The following TAF8 variants were observed in gnomAD, a reference collection of about 807,000 sequenced individuals.
TAF8 encodes TATA-box binding protein associated factor 8, also known as transcription initiation factor TFIID subunit 8.
In TAF8, 47 loss-of-function variants were observed where a neutral mutation model predicts 36.5. The observed-to-expected ratio is 1.29, with a 90% CI of 1.02 to 1.64. The LOEUF (loss-of-function observed/expected upper bound fraction) is 1.64. Among genes scored for constraint, TAF8 ranks in the 40% most tolerant of loss-of-function variants. The pLI is 0.00. For missense variants in TAF8, 420 were observed against 407.6 expected (o/e 1.03, Z -0.26); for synonymous variants, 175 against 159.5 (o/e 1.10, Z -0.73).
Position 42,083,188 on chromosome 6 carries a change from A to C in TAF8, c.*5643A>C, listed in dbSNP as rs535217347. The stretch of plus-strand genomic sequence containing the variant: ...TTCTTCCAGAAGTATTCTGTGCATC[A>C]AATGCAAATACTTATATTTTCTACT... On this transcript the variant is annotated 3_prime_UTR_variant, in exon 9 of 9. Coordinates refer to ENST00000372977, the MANE Select transcript of TAF8 (RefSeq NM_138572.3). The C allele has an allele frequency of 6.2e-4, 94 of 152,342 alleles. No homozygotes were observed. The highest frequency in any genetic ancestry group is 2.2e-3 in the African/African-American group (93 of 41,578). 9.4% of individuals were successfully genotyped at this position (152,342 alleles called of 1,614,324 possible).
At chr6:42,085,868 C>A (rs1235681397), downstream of TAF8, among the ~76,000 whole-genome samples, 2 of 152,124 alleles carry the variant, frequency 1.3e-5, no homozygotes, top group East Asian at 3.8e-4. Context: ...GCCTGTAATC[C>A]CAGCTACTCG....
At position 42,068,459 on chromosome 6, in the gene TAF8, C is replaced by A; in HGVS notation, c.638-6C>A. 2 of 1,613,850 alleles carry A rather than the reference C, an allele frequency of 1.2e-6. No homozygotes were observed. Among genetic ancestry groups the A allele is most frequent in the Admixed American group, 1.7e-5 (1 of 60,016 alleles). On this transcript the variant is annotated splice_region_variant and splice_polypyrimidine_tract_variant and intron_variant, in intron 6 of 8. Transcript: ENST00000372977. Reference sequence around the variant, plus strand: ...GTGGACTCATGCCTCTCTTCCAATTCGCCAGTGATTGCTGCCAGACCTTTC... The same window carrying A: ...GTGGACTCATGCCTCTCTTCCAATTAGCCAGTGATTGCTGCCAGACCTTTC...
chr6:42,063,615 T>C (rs71558776), intron 5 of TAF8: 7 of 152,126 alleles, frequency 4.6e-5, no homozygotes, highest in Admixed American at 4.6e-4. Flanking sequence ...TTCTTGTTTG[T>C]TTTGTTGTTG....
At chr6:42,070,374 C>T (rs1047443186) in intron 7 of TAF8, among the ~76,000 whole-genome samples, 3 of 152,050 alleles carry the variant, frequency 2.0e-5, no homozygotes, top group Non-Finnish European at 2.9e-5. Context: ...CGCCTGTAGT[C>T]CCAGCTATTT....
chr6:42,076,714 C>G (rs777442886), intron 7 of TAF8, among the ~76,000 whole-genome samples: 1 of 152,198 alleles, frequency 6.6e-6, no homozygotes, highest in Non-Finnish European at 1.5e-5. Context: ...GATCCTGTAT[C>G]TCCCAGTCAT....
intron 7 of TAF8, among the ~76,000 whole-genome samples, chr6:42,076,257 C>G (rs541427881): frequency 2.0e-5 from 3 of 150,990 alleles, no homozygotes; most frequent in Non-Finnish European, 4.4e-5. Flanking sequence ...TCGAGACTAG[C>G]CTGGCCAACT....
In TAF8 at chr6:42,080,892, CTT is replaced by C. The variant is rs1401191571; in HGVS notation, c.*3349_*3350del. ...TCTCAATAAAAATTCATAATAAAAA[CTT>C]TGTAAATAAATAGAACTGTAAGCTT... On this transcript the variant is annotated 3_prime_UTR_variant, in exon 9 of 9. Transcript: ENST00000372977. 2 of 981,264 alleles carry C rather than the reference CTT, an allele frequency of 2.0e-6. No individual in the cohort carries two copies. The highest frequency in any genetic ancestry group is 3.5e-5 in the African/African-American group (2 of 57,074). The allele number at this position is 981,264 out of a possible 1,614,324, so 60.8% of individuals were successfully genotyped here.
chr6:42,076,932 C>T (rs747227614), intron 7 of TAF8, among the ~76,000 whole-genome samples, 168 bp from the exon 8 acceptor site: 2 of 152,152 alleles, frequency 1.3e-5, no homozygotes, highest in Admixed American at 6.5e-5. Context: ...CATAGCCAGC[C>T]CCTGCCTGGT....
At chr6:42,076,868 C>G (rs1401427763) in intron 7 of TAF8, among the ~76,000 whole-genome samples, 1 of 152,140 alleles carries the variant, frequency 6.6e-6, no homozygotes, top group African/African-American at 2.4e-5. Context: ...GTTCAAAACT[C>G]TGGACTCTGT....
At chr6:42,074,910 G>A (rs931593141) in intron 7 of TAF8, among the ~76,000 whole-genome samples, 29 of 151,750 alleles carry the variant, frequency 1.9e-4, no homozygotes, top group African/African-American at 6.5e-4. Flanking sequence ...TCCCTGAAGG[G>A]GACATTTCTA....
At chr6:42,060,956 A>C (rs950351625) in intron 5 of TAF8, among the ~76,000 whole-genome samples, 2 of 152,256 alleles carry the variant, frequency 1.3e-5, no homozygotes, top group Non-Finnish European at 2.9e-5. Context: ...AATAGTTCTA[A>C]AGAAATAATT....
chr6:42,070,303 A>G (rs1765520399), intron 7 of TAF8, among the ~76,000 whole-genome samples: 1 of 151,758 alleles, frequency 6.6e-6, no homozygotes, highest in Non-Finnish European at 1.5e-5. Context: ...CCTGGCTAAC[A>G]TGGTGAAACC....
rs1765883433 is a variant in TAF8 at position 42,080,317 on chromosome 6, A to G, written c.*2772A>G. 1.0e-6 allele frequency: 1 copy of G among 987,396 alleles called. No homozygotes were observed. Among genetic ancestry groups the G allele is most frequent in the Non-Finnish European group, 1.2e-6 (1 of 831,500 alleles). 61.2% of individuals were successfully genotyped at this position (987,396 alleles called of 1,614,324 possible). A position where few individuals can be genotyped will look rare whatever the true frequency, so the allele number is the denominator to read the frequency against. ...CTGAGTTAGAGGTGGGATTTGGAAA[A>G]GGGCTGCTATTTCTGCTGTTGAGAT... On this transcript the variant is annotated 3_prime_UTR_variant, in exon 9 of 9. Coordinates refer to ENST00000372977, the MANE Select transcript of TAF8 (RefSeq NM_138572.3).
In TAF8 at chr6:42,071,231, G is replaced by A; in HGVS notation, c.780+2624G>A. ...TTCTCTAAGATGTGATACCCCAAAT[G>A]GCAGCCAGCCACCCTGGGTTGCTAG... On this transcript the variant is annotated intron_variant, in intron 7 of 8. Coordinates refer to ENST00000372977, the MANE Select transcript of TAF8 (RefSeq NM_138572.3). 3 of 181,476 alleles carry A rather than the reference G, an allele frequency of 1.7e-5. No individual in the cohort carries two copies. The South Asian group carries it at 2.2e-4, about 14-fold the overall frequency. 11.2% of individuals were successfully genotyped at this position (181,476 alleles called of 1,614,324 possible). A position where few individuals can be genotyped will look rare whatever the true frequency, so the allele number is the denominator to read the frequency against.
chr6:42,077,283 G>A (rs751084907), intron 8 of TAF8, 44 bp downstream of exon 8: 76 of 1,589,958 alleles, frequency 4.8e-5, no homozygotes, highest in South Asian at 2.3e-4. Context: ...CTGTCCCACC[G>A]AGGTGGTCTT....
intron 7 of TAF8, chr6:42,071,300 GC>G (rs1765557899): frequency 5.4e-6 from 1 of 185,276 alleles, no homozygotes; most frequent in South Asian, 5.9e-5. Context: ...GGTCTTATTT[GC>G]CTGGACATAC....
intron 1 of TAF8, 111 bp downstream of exon 1, chr6:42,050,697 C>G: frequency 7.6e-7 from 1 of 1,321,194 alleles, no homozygotes; most frequent in Non-Finnish European, 1.0e-6. Flanking sequence ...TCATGAGCTC[C>G]GACTGGCGGA....
intron 4 of TAF8, chr6:42,056,221 A>G: frequency 2.0e-6 from 1 of 502,936 alleles, no homozygotes; most frequent in Non-Finnish European, 3.6e-6. Flanking sequence ...ACCATCTTTG[A>G]GATATTGCTG....
At position 42,050,535 on chromosome 6, in the gene TAF8, G is replaced by A. The variant is rs369329253; in HGVS notation, c.-7G>A. 239 of 1,361,920 alleles carry A rather than the reference G, an allele frequency of 1.8e-4. No homozygotes were observed. In the East Asian group the frequency reaches 5.1e-3, roughly 29 times the overall value. 84.4% of individuals were successfully genotyped at this position (1,361,920 alleles called of 1,614,324 possible). A position where few individuals can be genotyped will look rare whatever the true frequency, so the allele number is the denominator to read the frequency against. On this transcript the variant is annotated 5_prime_UTR_variant, in exon 1 of 9. Coordinates refer to ENST00000372977, the MANE Select transcript of TAF8 (RefSeq NM_138572.3). ...CCCCGCGCTCGCGCACACTACGCCAGAACAAGATGGCCGACGCGGCGGCCA... is the reference window on the plus strand; with the variant it reads ...CCCCGCGCTCGCGCACACTACGCCAAAACAAGATGGCCGACGCGGCGGCCA...
Sources: gnomAD v4.1 joint callset for allele counts (sites outside exome capture counted in the v4.1 genomes callset) on GRCh38, gnomAD v4.1.1 for gene constraint, MANE v1.5 for transcripts, NCBI Gene and HGNC (gene_info 2026-07-23, HGNC 2026-07-21) for gene names.